The following DNAJA2 variants were observed in gnomAD, a reference collection of about 807,000 sequenced individuals.
DNAJA2 encodes the protein DnaJ heat shock protein family (Hsp40) member A2.
In DNAJA2, 6 loss-of-function variants were observed where a neutral mutation model predicts 49.3. That is an observed-to-expected ratio of 0.12 (90% confidence interval 0.07 to 0.24). DNAJA2 has a LOEUF of 0.24. Ranked by LOEUF, DNAJA2 falls within the 10% of genes least tolerant of loss-of-function variation. The pLI, the probability that DNAJA2 is intolerant of heterozygous loss-of-function variation, is 1.00. For synonymous variants in DNAJA2, 160 were observed against 172.7 expected (o/e 0.93, Z 0.58); for missense variants, 347 against 516.8 (o/e 0.67, Z 3.19).
chr16:46,958,342 G>A (rs1296029224), intron 8 of DNAJA2, among the ~76,000 whole-genome samples: 1 of 152,080 alleles, frequency 6.6e-6, no homozygotes, highest in Non-Finnish European at 1.5e-5. Flanking sequence ...ATGAGGTCAG[G>A]AGATCGAGAC....
At chr16:46,968,287 T>C (rs917587239) in intron 3 of DNAJA2, 123 bp from the exon 4 acceptor site, 1 of 608,710 alleles carries the variant, frequency 1.6e-6, no homozygotes. Flanking sequence ...AAACACCTCA[T>C]AATCTCACAT....
intron 5 of DNAJA2, among the ~76,000 whole-genome samples, chr16:46,966,643 G>C (rs1230269062): frequency 6.6e-6 from 1 of 152,086 alleles, no homozygotes; most frequent in East Asian, 1.9e-4. Flanking sequence ...ATGTGTCTGT[G>C]GCCATAAAAG....
chr16:46,972,865 T>C (rs1165974842), intron 1 of DNAJA2: 2 of 152,220 alleles, frequency 1.3e-5, no homozygotes, highest in African/African-American at 2.4e-5. Flanking sequence ...TACAGGACAT[T>C]AGCATTACCT....
At chr16:46,968,014 G>A (rs1961997349) in intron 4 of DNAJA2, 70 bp downstream of exon 4, 3 of 1,368,662 alleles carry the variant, frequency 2.2e-6, no homozygotes. Flanking sequence ...TTTTTACGTG[G>A]TACAGACATT....
chr16:46,963,296 C>T (rs185430494), intron 6 of DNAJA2, among the ~76,000 whole-genome samples: 54 of 152,082 alleles, frequency 3.6e-4, no homozygotes, highest in African/African-American at 1.3e-3. Context: ...ATGAATAGTT[C>T]CAGATTTATT....
At chr16:46,957,543 C>T (rs1421859643) in intron 8 of DNAJA2, among the ~76,000 whole-genome samples, 1 of 151,630 alleles carries the variant, frequency 6.6e-6, no homozygotes, top group Non-Finnish European at 1.5e-5. Context: ...GTGGAAGTTG[C>T]AGTAAGCTGA....
chr16:46,959,251 G>T, intron 7 of DNAJA2, 24 bp downstream of exon 7: 4 of 1,594,566 alleles, frequency 2.5e-6, no homozygotes, highest in Non-Finnish European at 3.4e-6. Context: ...TTGAAAACCA[G>T]AATCGGACAA....
In DNAJA2 at chr16:46,971,570, A is replaced by G. The variant is rs1443118064; in HGVS notation, c.141T>C (p.Phe47=). The G allele has an allele frequency of 3.8e-6, 6 of 1,574,928 alleles. No homozygotes were observed. The highest frequency in any genetic ancestry group is 5.1e-6 in the Non-Finnish European group (6 of 1,167,304). Residue 47 remains phenylalanine (F), a splice_region_variant and synonymous_variant, in exon 3 of 9, where the codon TTT becomes TTC. Coordinates refer to ENST00000317089, the MANE Select transcript of DNAJA2 (RefSeq NM_005880.4). Reference sequence around the variant, plus strand: ...CTTCATATGCAAAACTTATTTCTTTAAACTATAAAGAAAAGGTAAAAATAA... The same window carrying G: ...CTTCATATGCAAAACTTATTTCTTTGAACTATAAAGAAAAGGTAAAAATAA... The part of the protein sequence containing the change: ...PDKNPNAGDK[F]KEISFAYEVL...
At chr16:46,965,843 A>G (rs1298792483) in intron 5 of DNAJA2, among the ~76,000 whole-genome samples, 1 of 151,962 alleles carries the variant, frequency 6.6e-6, no homozygotes, top group Non-Finnish European at 1.5e-5. Context: ...AAAAAAAAAA[A>G]AAAAAGAAAA....
In DNAJA2 at chr16:46,964,620, T is replaced by C. The variant is rs958744719; in HGVS notation, c.765A>G (p.Lys255=). ...PGDIVLLLQE[K]EHEVFQRDGN... is the part of the protein sequence containing the mutation. ...AAAAAAGGAAAATCACCTCATGTTC[T>C]TTCTCCTGTAGCAAAAGAACAATGT... The change falls in exon 6 of 9, where the codon AAA becomes AAG. Residue 255 remains lysine (K), a synonymous_variant. Coordinates refer to ENST00000317089, the MANE Select transcript of DNAJA2 (RefSeq NM_005880.4). 21 of 1,595,010 alleles carry C rather than the reference T, an allele frequency of 1.3e-5. No individual in the cohort carries two copies. Among genetic ancestry groups the C allele is most frequent in the African/African-American group, 1.4e-5 (1 of 73,570 alleles).
chr16:46,967,237 C>CTGAG (rs1961985126), intron 5 of DNAJA2, among the ~76,000 whole-genome samples: 1 of 152,114 alleles, frequency 6.6e-6, no homozygotes, highest in East Asian at 1.9e-4. Flanking sequence ...CAGACATGCC[C>CTGAG]TGAGCCCCTC....
chr16:46,967,609 C>T lies in DNAJA2; in HGVS notation c.481G>A (p.Ala161Thr), dbSNP rs563442946. The part of the protein sequence containing the change: ...GKSGAVQKCS[A>T]CRGRGVRIMI... Reference sequence around the variant, plus strand: ...ATGCGCACACCTCGACCTCGACAAGCACTACACTTTTGGACAGCTCCAGAC... The same window carrying T: ...ATGCGCACACCTCGACCTCGACAAGTACTACACTTTTGGACAGCTCCAGAC... Residue 161 changes from alanine to threonine, a missense_variant, in exon 5 of 9, where the codon GCT (alanine) becomes ACT (threonine). Physicochemically the swap from Ala to Thr is moderately conservative, Grantham distance 58. Coordinates refer to ENST00000317089, the MANE Select transcript of DNAJA2 (RefSeq NM_005880.4). 5.6e-6 allele frequency: 9 copies of T among 1,614,074 alleles called. No homozygotes were observed. The highest frequency in any genetic ancestry group is 6.8e-6 in the Non-Finnish European group (8 of 1,180,050).
At chr16:46,959,204 T>C (rs1961860683) in intron 7 of DNAJA2, 71 bp downstream of exon 7, 2 of 1,581,564 alleles carry the variant, frequency 1.3e-6, no homozygotes, top group Non-Finnish European at 8.6e-7. Flanking sequence ...TTATGCAGTA[T>C]AAAAAAATTA....
chr16:46,968,395 T>C lies in DNAJA2; in HGVS notation c.363-231A>G, dbSNP rs58020350. On this transcript the variant is annotated intron_variant, in intron 3 of 8. Transcript: ENST00000317089. ...ATATGATACCCAAAGCCAGAGCCTA[T>C]AGCATCAGGCCAACAATTTGCTGTG... 4.8e-3 allele frequency among the ~76,000 whole-genome samples: 724 copies of C among 152,346 alleles called. 3 individuals carry two copies. The highest frequency in any genetic ancestry group is 0.016 in the African/African-American group (677 of 41,584).
intron 8 of DNAJA2, among the ~76,000 whole-genome samples, chr16:46,958,070 G>C (rs1482353413): frequency 6.6e-6 from 1 of 152,186 alleles, no homozygotes; most frequent in African/African-American, 2.4e-5. Context: ...TGGGTGCAGT[G>C]GCTCACGACT....
At chr16:46,973,418 G>T in intron 1 of DNAJA2, 77 bp downstream of exon 1, 2 of 1,396,294 alleles carry the variant, frequency 1.4e-6, no homozygotes, top group Non-Finnish European at 9.4e-7. Context: ...GCCCAGTAGC[G>T]CGGCCTGGCT....
At chr16:46,968,327 G>A (rs1200114668) in intron 3 of DNAJA2, among the ~76,000 whole-genome samples, 163 bp from the exon 4 acceptor site, 1 of 152,148 alleles carries the variant, frequency 6.6e-6, no homozygotes, top group East Asian at 1.9e-4. Context: ...CTTATATTAT[G>A]GCTCAAATTA....
intron 5 of DNAJA2, among the ~76,000 whole-genome samples, chr16:46,966,946 G>A (rs958823990): frequency 2.6e-5 from 4 of 152,122 alleles, no homozygotes; most frequent in Admixed American, 2.0e-4. Context: ...ATTTGATAAA[G>A]AAGGAAATAG....
chr16:46,973,243 G>A lies in DNAJA2; in HGVS notation c.78+252C>T, dbSNP rs1284091025. Among the ~76,000 whole-genome samples the A allele has an allele frequency of 2.0e-5, 3 of 152,056 alleles. No individual in the cohort carries two copies. In the East Asian group the frequency reaches 5.8e-4, roughly 29 times the overall value. On this transcript the variant is annotated intron_variant, in intron 1 of 8. Coordinates refer to ENST00000317089, the MANE Select transcript of DNAJA2 (RefSeq NM_005880.4). ...GAGGGAGGAAGGAAGGGCTCCCATCGTGTTTGCGCAGGAGTGAGTTTTATT... is the reference window on the plus strand; with the variant it reads ...GAGGGAGGAAGGAAGGGCTCCCATCATGTTTGCGCAGGAGTGAGTTTTATT...
Sources: gnomAD v4.1 joint callset for allele counts (sites outside exome capture counted in the v4.1 genomes callset) on GRCh38, gnomAD v4.1.1 for gene constraint, MANE v1.5 for transcripts, NCBI Gene and HGNC (gene_info 2026-07-23, HGNC 2026-07-21) for gene names.